XPA: variants seen among roughly 807,000 people sequenced by gnomAD.
The protein encoded by XPA is DNA repair protein complementing XP-A cells.
Under a neutral mutation model 35.7 loss-of-function variants are expected in XPA, and 27 were observed. The ratio of observed to expected loss-of-function variants is 0.76; its 90% CI spans 0.56 to 1.04. The LOEUF (loss-of-function observed/expected upper bound fraction) is 1.04, where lower values mean the gene tolerates loss of function less well. XPA is among the 50% of genes least tolerant of loss of function. The pLI, the probability that XPA is intolerant of heterozygous loss-of-function variation, is 0.00. For missense variants in XPA, 354 were observed against 342.7 expected (o/e 1.03, Z -0.26); for synonymous variants, 133 against 118.4 (o/e 1.12, Z -0.80).
In XPA at chr9:97,675,599, A is replaced by T. The variant is rs749673116; in HGVS notation, c.674-12T>A. On this transcript the variant is annotated splice_polypyrimidine_tract_variant and intron_variant, in intron 5 of 5. Coordinates refer to ENST00000375128, the MANE Select transcript of XPA (RefSeq NM_000380.4). ...TGCTCGCCGCAATTCTGAAAAAAAAATTTTAAAGTCATCTTTTCAGTGGTG... is the reference window on the plus strand; with the variant it reads ...TGCTCGCCGCAATTCTGAAAAAAAATTTTTAAAGTCATCTTTTCAGTGGTG... The T allele has an allele frequency of 2.4e-5, 38 of 1,613,914 alleles. No homozygotes were observed. The highest frequency in any genetic ancestry group is 3.1e-5 in the Non-Finnish European group (36 of 1,179,892).
At chr9:97,666,956 G>T in the XPA span, 1 of 1,072,972 alleles carries the variant, frequency 9.3e-7, no homozygotes, top group Non-Finnish European at 1.3e-6. Flanking sequence ...TCATTATCTT[G>T]ATGATATTTC....
chr9:97,671,467 T>G (rs1828191596), downstream of XPA: 2 of 342,688 alleles, frequency 5.8e-6, no homozygotes, highest in Non-Finnish European at 1.1e-5. Context: ...ATTTTTTTTC[T>G]CCTTAAGGCA....
the XPA span, chr9:97,666,940 C>A: frequency 1.7e-6 from 2 of 1,196,162 alleles, no homozygotes; most frequent in East Asian, 2.5e-5. Context: ...GGAGAGGATT[C>A]AGAGTTCATT....
At chr9:97,658,064 A>G in the XPA span, among the ~76,000 whole-genome samples, 1 of 151,542 alleles carries the variant, frequency 6.6e-6, no homozygotes, top group African/African-American at 2.4e-5. Context: ...CCTAGTTTCT[A>G]GTAAAGTAGT....
At chr9:97,661,303 T>C in the XPA span, among the ~76,000 whole-genome samples, 1 of 152,196 alleles carries the variant, frequency 6.6e-6, no homozygotes, top group Admixed American at 6.5e-5. Context: ...AAGTGAAATA[T>C]GTTACCATTC....
the XPA span, chr9:97,662,189 T>C: frequency 4.7e-5 from 66 of 1,393,054 alleles, no homozygotes; most frequent in Admixed American, 1.0e-3. Flanking sequence ...GGAATTTTGC[T>C]TGGTGAACAC....
chr9:97,679,302 T>C (rs868136421), intron 5 of XPA, among the ~76,000 whole-genome samples: 4 of 152,146 alleles, frequency 2.6e-5, no homozygotes, highest in Non-Finnish European at 4.4e-5. Context: ...ATGATGCAAA[T>C]AGCATAAAGT....
Position 97,678,953 on chromosome 9 carries a change from TAC to T in XPA, c.674-3368_674-3367del, listed in dbSNP as rs912576818. ...TCAAAAATGTCAATGTCATAAAAAA[TAC>T]GAGCTGTGTAAATATCCCAGAAAAG... On this transcript the variant is annotated intron_variant, in intron 5 of 5. Coordinates refer to ENST00000375128, the MANE Select transcript of XPA (RefSeq NM_000380.4). Among the ~76,000 whole-genome samples, 7 of 152,260 alleles carry T rather than the reference TAC, an allele frequency of 4.6e-5. No homozygotes were observed. In the East Asian group the frequency reaches 1.3e-3, roughly 29 times the overall value.
chr9:97,660,921 C>G, the XPA span: 1 of 1,595,422 alleles, frequency 6.3e-7, no homozygotes, highest in Non-Finnish European at 8.5e-7. Context: ...TCTGTCATTC[C>G]CCTTACCCCC....
At chr9:97,656,319 C>T in the XPA span, among the ~76,000 whole-genome samples, 5 of 152,330 alleles carry the variant, frequency 3.3e-5, no homozygotes, top group Admixed American at 6.5e-5. Context: ...CAGTGGCTCA[C>T]GCCTGTAATC....
At chr9:97,684,129 A>G (rs1395915939) in intron 5 of XPA, among the ~76,000 whole-genome samples, 5 of 152,194 alleles carry the variant, frequency 3.3e-5, no homozygotes, top group Non-Finnish European at 5.9e-5. Context: ...CATCACTATC[A>G]TGGTACCTAG....
chr9:97,684,062 T>C (rs1235678556), intron 5 of XPA, among the ~76,000 whole-genome samples: 1 of 151,936 alleles, frequency 6.6e-6, no homozygotes, highest in South Asian at 2.1e-4. Flanking sequence ...AAGACTCTTT[T>C]AGGGATTCTG....
At chr9:97,656,163 A>G in the XPA span, 10 of 1,169,790 alleles carry the variant, frequency 8.5e-6, no homozygotes, top group East Asian at 2.4e-5. Context: ...ATGTGTGTTC[A>G]GAATATTGGA....
the XPA span, among the ~76,000 whole-genome samples, chr9:97,657,702 T>C: frequency 2.6e-5 from 4 of 152,168 alleles, no homozygotes; most frequent in Non-Finnish European, 4.4e-5. Context: ...TCCATTATTT[T>C]TTCTACATTT....
intron 2 of XPA, among the ~76,000 whole-genome samples, chr9:97,692,503 G>A (rs1198012178): frequency 6.6e-6 from 1 of 152,130 alleles, no homozygotes; most frequent in East Asian, 1.9e-4. Flanking sequence ...TTTGGAACAA[G>A]GCTAGTGATA....
At chr9:97,656,176 C>T in the XPA span, 4 of 1,062,540 alleles carry the variant, frequency 3.8e-6, no homozygotes, top group South Asian at 1.4e-5. Flanking sequence ...ATATTGGATT[C>T]AAAATCCACT....
In XPA at chr9:97,684,175, ACT is replaced by A. The variant is rs138603871; in HGVS notation, c.673+746_673+747del. Among the ~76,000 whole-genome samples the A allele has an allele frequency of 1.6e-3, 243 of 152,198 alleles. 2 individuals carry two copies. The highest frequency in any genetic ancestry group is 4.8e-3 in the African/African-American group (199 of 41,510). ...CGATTTTAAGTTTCTCTCCTGACAA[ACT>A]CTGACTCCAGAATTTATGTTAGCAC... On this transcript the variant is annotated intron_variant, in intron 5 of 5. Coordinates refer to ENST00000375128, the MANE Select transcript of XPA (RefSeq NM_000380.4).
rs142723234 is a variant in XPA, at chr9:97,680,956, T to C, written c.673+3967A>G. ...GTTCCATTGGCCTAGAATTTCACAA[T>C]GCTGGAAGCTATTAACTAAGGACTG... is the stretch of plus-strand genomic sequence containing the variant. On this transcript the variant is annotated intron_variant, in intron 5 of 5. Coordinates refer to ENST00000375128, the MANE Select transcript of XPA (RefSeq NM_000380.4). Among the ~76,000 whole-genome samples, 255 of 152,356 alleles carry C rather than the reference T, an allele frequency of 1.7e-3. 1 individual carries two copies. Among genetic ancestry groups the C allele is most frequent in the African/African-American group, 5.8e-3 (242 of 41,594 alleles).
chr9:97,686,731 A>T (rs1201298836), intron 4 of XPA, among the ~76,000 whole-genome samples: 1 of 152,116 alleles, frequency 6.6e-6, no homozygotes, highest in Non-Finnish European at 1.5e-5. Flanking sequence ...GTTCGAGACC[A>T]GCCTGGGCAA....
Sources: gnomAD v4.1 joint callset for allele counts (sites outside exome capture counted in the v4.1 genomes callset) on GRCh38, gnomAD v4.1.1 for gene constraint, MANE v1.5 for transcripts, NCBI Gene and HGNC (gene_info 2026-07-23, HGNC 2026-07-21) for gene names.